Variants in GFPT2 observed in about 807,000 individuals in gnomAD.
GFPT2 encodes the protein glutamine--fructose-6-phosphate transaminase 2.
In GFPT2, 62 loss-of-function variants were observed where a neutral mutation model predicts 85.6. That is an observed-to-expected ratio of 0.72 (90% CI 0.59 to 0.90). The LOEUF (loss-of-function observed/expected upper bound fraction) is 0.90, where lower values mean the gene tolerates loss of function less well. Among genes scored for constraint, GFPT2 ranks in the 40% least tolerant of loss-of-function variants. GFPT2 has a pLI of 0.00. For synonymous variants in GFPT2, 368 were observed against 344.5 expected, an observed-to-expected ratio of 1.07 and a Z score of -0.75; for missense variants, 788 against 893.4, an observed-to-expected ratio of 0.88 and a Z score of 1.50.
At chr5:180,348,219 T>C (rs897481818) in intron 1 of GFPT2, among the ~76,000 whole-genome samples, 5 of 152,102 alleles carry the variant, frequency 3.3e-5, no homozygotes, top group Non-Finnish European at 7.4e-5. Flanking sequence ...AACAGAAGAG[T>C]ACGGCCAGTT....
chr5:180,352,749 C>A (rs1241765094), intron 1 of GFPT2: 2 of 360,550 alleles, frequency 5.5e-6, no homozygotes, highest in South Asian at 3.8e-5. Flanking sequence ...GGCGGGGTCG[C>A]CTCTCCTCTC....
At chr5:180,352,747 C>A in intron 1 of GFPT2, 1 of 383,602 alleles carries the variant, frequency 2.6e-6, no homozygotes, top group Non-Finnish European at 5.1e-6. Flanking sequence ...GGGGCGGGGT[C>A]GCCTCTCCTC....
intron 13 of GFPT2, among the ~76,000 whole-genome samples, chr5:180,316,044 C>T (rs1355216385): frequency 6.6e-6 from 1 of 152,190 alleles, no homozygotes; most frequent in African/African-American, 2.4e-5. Flanking sequence ...GTAAGTGGTC[C>T]TTGAAGTCTT....
chr5:180,314,862 C>CG (rs534705267), intron 13 of GFPT2, among the ~76,000 whole-genome samples: 4 of 152,160 alleles, frequency 2.6e-5, no homozygotes, highest in Non-Finnish European at 5.9e-5. Flanking sequence ...CACAGAGATT[C>CG]GGAAGCTGCC....
intron 1 of GFPT2, among the ~76,000 whole-genome samples, chr5:180,341,612 A>G (rs1483372419): frequency 2.0e-5 from 3 of 152,252 alleles, no homozygotes; most frequent in Non-Finnish European, 2.9e-5. Context: ...GGATTTATAT[A>G]TAAAAATATG....
chr5:180,335,332 G>A (rs959019277), intron 4 of GFPT2, among the ~76,000 whole-genome samples: 3 of 152,196 alleles, frequency 2.0e-5, no homozygotes, highest in African/African-American at 4.8e-5. Context: ...GAGGTCTCCC[G>A]CTGGGGCCCA....
intron 6 of GFPT2, among the ~76,000 whole-genome samples, chr5:180,329,483 G>C (rs73813215): frequency 0.011 from 1,720 of 152,310 alleles, 36 homozygotes; most frequent in African/African-American, 0.04. Flanking sequence ...AATAAAAATG[G>C]AAAAGAAGAA....
chr5:180,312,258 G>A (rs1482283889), intron 15 of GFPT2, among the ~76,000 whole-genome samples, 172 bp downstream of exon 15: 1 of 152,072 alleles, frequency 6.6e-6, no homozygotes, highest in Non-Finnish European at 1.5e-5. Flanking sequence ...GGTGGGGGCC[G>A]AGCAGGATGA....
In GFPT2 at chr5:180,301,576, TAC is replaced by T; in HGVS notation, c.2035_2036del (p.Val679AsnfsTer9). ...CACGGTCTCAGCCTCATTCCACAGT[TAC>T]AGACTTGGCCAGATTTCTGGGGAAG... The part of the protein sequence containing the change: ...VDFPRNLAKS[V>X]TVE On this transcript the variant is annotated frameshift_variant, in exon 19 of 19. Transcript: ENST00000253778. LOFTEE classifies it high-confidence loss of function. The T allele has an allele frequency of 6.2e-7, 1 of 1,613,560 alleles. No homozygotes were observed. Among genetic ancestry groups the T allele is most frequent in the Non-Finnish European group, 8.5e-7 (1 of 1,179,444 alleles).
At chr5:180,324,354 G>C (rs750988792) in intron 8 of GFPT2, 49 bp from the exon 9 acceptor site, 1 of 1,058,816 alleles carries the variant, frequency 9.4e-7, no homozygotes, top group South Asian at 1.4e-5. Context: ...TGTTTTGTTT[G>C]CATAATATGC....
intron 18 of GFPT2, 43 bp from the exon 19 acceptor site, chr5:180,301,651 A>C: frequency 8.0e-6 from 12 of 1,492,366 alleles, no homozygotes; most frequent in Non-Finnish European, 1.0e-5. Context: ...CAAAGATCTC[A>C]GCAACATGCT....
rs536865519 is a variant in GFPT2 at position 180,315,181 on chromosome 5, C to CTTTTTTT, written c.1273+1153_1273+1159dup. On this transcript the variant is annotated intron_variant, in intron 13 of 18. Transcript: ENST00000253778. ...ACCGTGGTCATACGTTTTTCTTTTT[C>CTTTTTTT]TTTTTTTTTTTTTTGAGACGGAGTC... Among the ~76,000 whole-genome samples, 145 of 144,142 alleles carry CTTTTTTT rather than the reference C, an allele frequency of 1.0e-3. 1 individual carries two copies. Among genetic ancestry groups the CTTTTTTT allele is most frequent in the African/African-American group, 3.3e-3 (130 of 39,572 alleles). The allele number at this position is 144,142 out of a possible 152,430, so 94.6% of individuals were successfully genotyped here. A position where few individuals can be genotyped will look rare whatever the true frequency, so the allele number is the denominator to read the frequency against.
rs115342624 is a variant in GFPT2, at chr5:180,328,107, C to T, written c.596+170G>A. Among the ~76,000 whole-genome samples the T allele has an allele frequency of 0.011, 1,694 of 151,802 alleles. 36 individuals are homozygous for T. Among genetic ancestry groups the T allele is most frequent in the African/African-American group, 0.04 (1,644 of 41,348 alleles). On this transcript the variant is annotated intron_variant, in intron 7 of 18. Coordinates refer to ENST00000253778, the MANE Select transcript of GFPT2 (RefSeq NM_005110.4). The surrounding 1 kb of genome is among the most constrained non-coding windows in gnomAD (Gnocchi z 5.4). ...TTTTTAATTCAGAAGTGTAGCACCACCAGCCATGGAGATGGTGGGGCGCGG... is the reference window on the plus strand; with the variant it reads ...TTTTTAATTCAGAAGTGTAGCACCATCAGCCATGGAGATGGTGGGGCGCGG...
Position 180,316,374 on chromosome 5 carries a change from T to C in GFPT2, c.1240A>G (p.Arg414Gly). ...CTGATGAAAAAGCAAACGTCATCCC[T>C]GAACACAGGTGTGTTCCTGTCCAGA... ...DFLDRNTPVF[R>G]DDVCFFISQS... The change falls in exon 13 of 19, where the codon AGG becomes GGG. Residue 414 changes from arginine (R) to glycine (G), a missense_variant. Coordinates refer to ENST00000253778, the MANE Select transcript of GFPT2 (RefSeq NM_005110.4). 1 of 1,613,962 alleles carries C rather than the reference T, an allele frequency of 6.2e-7. No individual in the cohort carries two copies. Among genetic ancestry groups the C allele is most frequent in the Non-Finnish European group, 8.5e-7 (1 of 1,179,804 alleles).
chr5:180,347,180 C>T (rs908035925), intron 1 of GFPT2, among the ~76,000 whole-genome samples: 18 of 152,208 alleles, frequency 1.2e-4, no homozygotes, highest in African/African-American at 4.3e-4. Context: ...GGCAGGAGAG[C>T]CTGAAAATGC....
At chr5:180,326,818 C>T (rs907425367) in intron 7 of GFPT2, among the ~76,000 whole-genome samples, 5 of 152,072 alleles carry the variant, frequency 3.3e-5, no homozygotes, top group Non-Finnish European at 5.9e-5. Flanking sequence ...CAAGACAACC[C>T]GAAGATTGTA....
chr5:180,352,900 A>G, intron 1 of GFPT2: 1 of 451,376 alleles, frequency 2.2e-6, no homozygotes. Context: ...CCCCTCTGTT[A>G]CGGGGTCCAG....
intron 1 of GFPT2, among the ~76,000 whole-genome samples, chr5:180,342,121 G>A (rs940400183): frequency 2.6e-5 from 4 of 152,220 alleles, no homozygotes; most frequent in East Asian, 3.9e-4. Flanking sequence ...CTGCCGCCAC[G>A]TGAGATGTGC....
intron 18 of GFPT2, 150 bp downstream of exon 18, chr5:180,302,273 C>G (rs1002802216): frequency 1.8e-6 from 1 of 570,178 alleles, no homozygotes; most frequent in African/African-American, 2.0e-5. Context: ...GGCGACAGAG[C>G]GAGACTCAAT....
Sources: gnomAD v4.1 joint callset for allele counts (sites outside exome capture counted in the v4.1 genomes callset) on GRCh38, gnomAD v4.1.1 for gene constraint, Gnocchi (gnomAD v3.1) non-coding constraint, MANE v1.5 for transcripts, NCBI Gene and HGNC (gene_info 2026-07-23, HGNC 2026-07-21) for gene names.